ANKRD30A: variants seen among roughly 807,000 people sequenced by gnomAD.
The protein encoded by ANKRD30A is ankyrin repeat domain-containing protein 30A.
In ANKRD30A, 170 loss-of-function variants were observed where a neutral mutation model predicts 166.3. That is an observed-to-expected ratio of 1.02 (90% CI 0.90 to 1.16). The LOEUF (loss-of-function observed/expected upper bound fraction) is 1.16. Among genes scored for constraint, ANKRD30A ranks in the 50% most tolerant of loss-of-function variants. The pLI is 0.00. For synonymous variants in ANKRD30A, 564 were observed against 508.9 expected, an observed-to-expected ratio of 1.11 and a Z score of -1.46; for missense variants, 1,630 against 1,518.0, an observed-to-expected ratio of 1.07 and a Z score of -1.23.
At chr10:37,128,725 A>C (rs1013213881) in intron 1 of ANKRD30A, among the ~76,000 whole-genome samples, 2 of 152,090 alleles carry the variant, frequency 1.3e-5, no homozygotes, top group African/African-American at 4.8e-5. Context: ...ATTCTTAAAA[A>C]TTTCACATTT....
In ANKRD30A at chr10:37,130,335, C is replaced by A; in HGVS notation, c.467C>A (p.Ala156Glu). The A allele has an allele frequency of 6.3e-7, 1 of 1,578,888 alleles. No homozygotes were observed. Among genetic ancestry groups the A allele is most frequent in the Non-Finnish European group, 8.6e-7 (1 of 1,163,326 alleles). ...TATAGTGAGATTTTGTCAGTGGTGG[C>A]AAAACTGCTGTCCCATGGTGCAGTC... The part of the protein sequence containing the change: ...AVYSEILSVV[A>E]KLLSHGAVIE... Residue 156 changes from alanine to glutamate, a missense_variant, in exon 3 of 36, where the codon GCA becomes GAA. By Grantham distance (107) the Ala-to-Glu change is moderately radical. Coordinates refer to ENST00000361713, the MANE Select transcript of ANKRD30A (RefSeq NM_052997.3).
At position 37,219,186 on chromosome 10, in the gene ANKRD30A, T is replaced by C. The variant is rs879242515; in HGVS notation, c.3474T>C (p.Thr1158=). ...TAAAACTGAAAGAGGAATCATTAAC[T>C]AAAAGGGCATCTCAATATAGTGGGC... is the stretch of plus-strand genomic sequence containing the variant. ...MTLKLKEESL[T]KRASQYSGQL... The change falls in exon 34 of 36, where the codon ACT becomes ACC. Residue 1158 remains threonine, a synonymous_variant. Coordinates refer to ENST00000361713, the MANE Select transcript of ANKRD30A (RefSeq NM_052997.3). 1 of 1,610,588 alleles carries C rather than the reference T, an allele frequency of 6.2e-7. No individual in the cohort carries two copies. Among genetic ancestry groups the C allele is most frequent in the Non-Finnish European group, 8.5e-7 (1 of 1,177,620 alleles).
intron 27 of ANKRD30A, among the ~76,000 whole-genome samples, chr10:37,194,550 C>T (rs1303532308): frequency 6.6e-6 from 1 of 151,980 alleles, no homozygotes; most frequent in East Asian, 1.9e-4. Context: ...GTGTGTTAGC[C>T]AGGATGGTCT....
At chr10:37,257,680 T>C in the ANKRD30A span, among the ~76,000 whole-genome samples, 14 of 152,208 alleles carry the variant, frequency 9.2e-5, no homozygotes. Flanking sequence ...CAGGAGCAGC[T>C]TGTTCAATTT....
downstream of ANKRD30A, among the ~76,000 whole-genome samples, chr10:37,233,473 A>G (rs184706199): frequency 9.8e-5 from 15 of 152,304 alleles, no homozygotes; most frequent in African/African-American, 3.6e-4. Flanking sequence ...ATACAAATGC[A>G]GTGCAGGCAA....
At chr10:37,197,832 T>C (rs939451529) in intron 29 of ANKRD30A, among the ~76,000 whole-genome samples, 1 of 152,132 alleles carries the variant, frequency 6.6e-6, no homozygotes, top group African/African-American at 2.4e-5. Flanking sequence ...ACGGTTTATT[T>C]CGGGGATCCC....
chr10:37,250,810 A>C, the ANKRD30A span, among the ~76,000 whole-genome samples: 1 of 151,174 alleles, frequency 6.6e-6, no homozygotes. Context: ...CAGATCTTTA[A>C]GAAATTAATT....
chr10:37,137,878 T>G (rs1836824334), intron 6 of ANKRD30A, among the ~76,000 whole-genome samples: 1 of 152,098 alleles, frequency 6.6e-6, no homozygotes, highest in Admixed American at 6.5e-5. Flanking sequence ...GAGTAGTGGT[T>G]CTCGCAGCAC....
intron 13 of ANKRD30A, among the ~76,000 whole-genome samples, chr10:37,155,924 A>G (rs1477959991): frequency 9.2e-5 from 14 of 151,982 alleles, no homozygotes; most frequent in Admixed American, 9.2e-4. Flanking sequence ...TACTAAAAAT[A>G]CAAAAAATTA....
intron 31 of ANKRD30A, among the ~76,000 whole-genome samples, chr10:37,205,776 G>A (rs768383849): frequency 6.6e-5 from 10 of 152,160 alleles, no homozygotes; most frequent in Non-Finnish European, 1.0e-4. Flanking sequence ...TTTAAGAAAT[G>A]AGCTATAAAA....
intron 15 of ANKRD30A, among the ~76,000 whole-genome samples, chr10:37,159,697 GT>G (rs1369963582): frequency 2.0e-5 from 3 of 151,678 alleles, no homozygotes; most frequent in Admixed American, 6.6e-5. Flanking sequence ...TTTTTCTTCA[GT>G]TTTTTTGTTT....
chr10:37,205,833 A>G (rs1319449602), intron 31 of ANKRD30A, among the ~76,000 whole-genome samples: 1 of 152,318 alleles, frequency 6.6e-6, no homozygotes, highest in African/African-American at 2.4e-5. Context: ...AGGTCATGCA[A>G]TTTTAATAAA....
Position 37,165,172 on chromosome 10 carries a change from A to AT in ANKRD30A, c.2064+24dup, listed in dbSNP as rs753005429. 6 of 1,587,298 alleles carry AT rather than the reference A, an allele frequency of 3.8e-6. No individual in the cohort carries two copies. The highest frequency in any genetic ancestry group is 1.1e-5 in the South Asian group (1 of 90,180). On this transcript the variant is annotated intron_variant, in intron 18 of 35. Coordinates refer to ENST00000361713, the MANE Select transcript of ANKRD30A (RefSeq NM_052997.3). ...GATACTGAGGTACTGTGTGTTGTTG[A>AT]TTTTTTTAAATATTAGTATTGCATG...
In ANKRD30A at chr10:37,150,168, C is replaced by T. The variant is rs571182171; in HGVS notation, c.1645+319C>T. ...AAACTCTTAACTTCTTTTAGTTCTT[C>T]GAAGCTTGATTCAAATTCCACTGTT... On this transcript the variant is annotated intron_variant, in intron 11 of 35. Coordinates refer to ENST00000361713, the MANE Select transcript of ANKRD30A (RefSeq NM_052997.3). Among the ~76,000 whole-genome samples the T allele has an allele frequency of 1.6e-4, 24 of 152,128 alleles. 1 individual carries two copies. In the South Asian group the frequency reaches 4.6e-3, roughly 29 times the overall value.
chr10:37,214,985 T>C (rs1473995072), intron 31 of ANKRD30A, among the ~76,000 whole-genome samples: 1 of 151,540 alleles, frequency 6.6e-6, no homozygotes, highest in Admixed American at 6.6e-5. Context: ...TCTTTCCTGA[T>C]GGCAAATCAA....
intron 34 of ANKRD30A, 150 bp from the exon 35 acceptor site, chr10:37,231,311 A>G: frequency 2.1e-6 from 1 of 470,926 alleles, no homozygotes; most frequent in East Asian, 3.5e-5. Context: ...TACACTAGGC[A>G]TGCTCTCACA....
chr10:37,171,056 G>A (rs1388386796), intron 21 of ANKRD30A, among the ~76,000 whole-genome samples: 4 of 84,550 alleles, frequency 4.7e-5, no homozygotes, highest in African/African-American at 1.6e-4. Context: ...CGCCCGTCTC[G>A]GCCTCCCAAA....
intron 24 of ANKRD30A, among the ~76,000 whole-genome samples, chr10:37,184,059 T>G (rs1437670902): frequency 6.6e-6 from 1 of 151,564 alleles, no homozygotes; most frequent in Non-Finnish European, 1.5e-5. Context: ...CTGCTGGTGG[T>G]CCTTGGAGCT....
chr10:37,197,223 TTG>T (rs1841204983), intron 27 of ANKRD30A, 56 bp from the exon 28 acceptor site: 1 of 1,599,202 alleles, frequency 6.3e-7, no homozygotes, highest in African/African-American at 1.3e-5. Context: ...CGGCATTCAT[TTG>T]TGGCTGGCTT....
Sources: allele counts gnomAD v4.1 joint callset (sites outside exome capture counted in the v4.1 genomes callset), GRCh38; gene constraint gnomAD v4.1.1; transcripts MANE v1.5; gene names NCBI Gene and HGNC (gene_info 2026-07-23, HGNC 2026-07-21).